The following BABAM2 variants were observed in gnomAD, a reference collection of about 807,000 sequenced individuals.
The protein encoded by BABAM2 is BRISC and BRCA1-A complex member 2.
In BABAM2, 31 loss-of-function variants were observed where a neutral mutation model predicts 54.7. That is an observed-to-expected ratio of 0.57 (90% CI 0.43 to 0.77). BABAM2 has a LOEUF of 0.77. BABAM2 is among the 30% of genes least tolerant of loss of function. The pLI is 0.00. For missense variants in BABAM2, 364 were observed against 455.8 expected (o/e 0.80, Z 1.83); for synonymous variants, 167 against 162.9 (o/e 1.03, Z -0.19).
At chr2:28,090,817 G>C (rs1666097767) in intron 6 of BABAM2, among the ~76,000 whole-genome samples, 1 of 152,154 alleles carries the variant, frequency 6.6e-6, no homozygotes, top group Admixed American at 6.5e-5. Context: ...AAGGGTTCAA[G>C]TTCCAGATCT....
chr2:28,039,667 T>C (rs1676919617), intron 5 of BABAM2, among the ~76,000 whole-genome samples: 1 of 152,256 alleles, frequency 6.6e-6, no homozygotes, highest in Non-Finnish European at 1.5e-5. Context: ...GAACTTGGAC[T>C]CCATTCTGCA....
At chr2:28,264,365 T>C (rs1684799190) in intron 10 of BABAM2, among the ~76,000 whole-genome samples, 1 of 152,206 alleles carries the variant, frequency 6.6e-6, no homozygotes, top group Non-Finnish European at 1.5e-5. Flanking sequence ...AAAAACTCTT[T>C]GGCTAAGCTA....
intron 6 of BABAM2, among the ~76,000 whole-genome samples, chr2:28,089,602 A>G (rs1214992787): frequency 2.6e-5 from 4 of 152,240 alleles, no homozygotes; most frequent in East Asian, 3.8e-4. Flanking sequence ...TTTATTATCT[A>G]CATCTTACAG....
upstream of BABAM2, among the ~76,000 whole-genome samples, chr2:27,889,046 T>G (rs1165573566): frequency 6.6e-6 from 1 of 152,256 alleles, no homozygotes; most frequent in East Asian, 1.9e-4. Context: ...CTTTTGTTGC[T>G]TCTTCTCGTT....
chr2:28,324,150 G>A (rs1416627474), intron 11 of BABAM2, among the ~76,000 whole-genome samples: 7 of 152,282 alleles, frequency 4.6e-5, no homozygotes, highest in East Asian at 1.9e-4. Flanking sequence ...AGTAGCCCTC[G>A]AAATTCATTA....
chr2:28,063,485 C>CAGTG (rs1405245296), intron 6 of BABAM2, among the ~76,000 whole-genome samples: 1 of 152,086 alleles, frequency 6.6e-6, no homozygotes, highest in Admixed American at 6.5e-5. Context: ...CTTTAAAATC[C>CAGTG]AGTGTATTTA....
chr2:28,072,486 T>A (rs1286122273), intron 6 of BABAM2, among the ~76,000 whole-genome samples: 1 of 150,584 alleles, frequency 6.6e-6, no homozygotes, highest in African/African-American at 2.4e-5. Context: ...CCCGGGTTCA[T>A]GCCATTCTCC....
chr2:28,176,590 A>AAAAAAACAAAAAAAAAAAAT (rs1674997296), intron 7 of BABAM2, among the ~76,000 whole-genome samples: 1 of 145,492 alleles, frequency 6.9e-6, no homozygotes, highest in Non-Finnish European at 1.5e-5. Flanking sequence ...AAAAAAAAAA[A>AAAAAAACAAAAAAAAAAAAT]AAAAAACCTC....
chr2:28,250,284 A>G (rs1465528877), intron 10 of BABAM2, among the ~76,000 whole-genome samples: 1 of 148,636 alleles, frequency 6.7e-6, no homozygotes, highest in Non-Finnish European at 1.5e-5. Context: ...GCGTGGCTGG[A>G]GCACAGTGAG....
intron 5 of BABAM2, among the ~76,000 whole-genome samples, chr2:28,042,810 G>C (rs556104558): frequency 6.6e-6 from 1 of 152,042 alleles, no homozygotes; most frequent in Non-Finnish European, 1.5e-5. Context: ...CGATCACGAG[G>C]TCAGGAGATA....
intron 7 of BABAM2, among the ~76,000 whole-genome samples, chr2:28,166,915 C>T (rs1394061361): frequency 6.6e-6 from 1 of 152,132 alleles, no homozygotes; most frequent in Admixed American, 6.5e-5. Flanking sequence ...GCCTACTGGA[C>T]ACCCAGGGGG....
At chr2:27,914,305 C>T (rs1277371504) in intron 2 of BABAM2, among the ~76,000 whole-genome samples, 1 of 152,130 alleles carries the variant, frequency 6.6e-6, no homozygotes, top group East Asian at 1.9e-4. Context: ...TTTGCCTTGC[C>T]ACTTCTAGCT....
At chr2:28,256,078 C>T (rs1215018552) in intron 10 of BABAM2, among the ~76,000 whole-genome samples, 2 of 151,920 alleles carry the variant, frequency 1.3e-5, no homozygotes, top group African/African-American at 4.8e-5. Flanking sequence ...ATATACTGTG[C>T]TAAAAAGGAA....
chr2:28,048,246 T>A (rs1452766021), intron 6 of BABAM2, among the ~76,000 whole-genome samples: 1 of 152,228 alleles, frequency 6.6e-6, no homozygotes, highest in African/African-American at 2.4e-5. Context: ...GAGGCCATCA[T>A]TCACTCATAA....
intron 3 of BABAM2, among the ~76,000 whole-genome samples, chr2:27,935,639 T>A (rs1341713431): frequency 1.3e-5 from 2 of 152,256 alleles, no homozygotes; most frequent in Admixed American, 6.5e-5. Flanking sequence ...TGAAAGAAGT[T>A]CTACTGTTGA....
chr2:28,008,185 AGTGG>A (rs1674109744), intron 4 of BABAM2, among the ~76,000 whole-genome samples: 1 of 152,172 alleles, frequency 6.6e-6, no homozygotes. Flanking sequence ...TATGAACATT[AGTGG>A]GTGCAATAAA....
chr2:28,149,818 C>G (rs1287142064), intron 7 of BABAM2, among the ~76,000 whole-genome samples: 1 of 152,192 alleles, frequency 6.6e-6, no homozygotes, highest in African/African-American at 2.4e-5. Context: ...GCATGTACCT[C>G]TCGCTTCAGC....
chr2:28,166,068 C>T (rs1433849383), intron 7 of BABAM2, among the ~76,000 whole-genome samples: 6 of 152,084 alleles, frequency 3.9e-5, no homozygotes, highest in Admixed American at 6.5e-5. Context: ...AGAGGGAAGA[C>T]GCAGGGAGAA....
At chr2:28,061,794 G>A (rs1174941086) in intron 6 of BABAM2, among the ~76,000 whole-genome samples, 5 of 151,426 alleles carry the variant, frequency 3.3e-5, no homozygotes, top group African/African-American at 9.7e-5. Flanking sequence ...TTAAAAACCT[G>A]TGTTCTAATT....
Sources: allele counts gnomAD v4.1 joint callset (sites outside exome capture counted in the v4.1 genomes callset), GRCh38; gene constraint gnomAD v4.1.1; transcripts MANE v1.5; gene names NCBI Gene and HGNC (gene_info 2026-07-23, HGNC 2026-07-21).